The following PFKP variants were observed in gnomAD, a reference collection of about 807,000 sequenced individuals.
PFKP encodes ATP-dependent 6-phosphofructokinase, platelet type.
A neutral mutation model predicts 94.3 loss-of-function variants in PFKP; 101 were observed. The ratio of observed to expected loss-of-function variants is 1.07; its 90% confidence interval spans 0.91 to 1.26. PFKP has a LOEUF of 1.26. PFKP is among the 50% of genes most tolerant of loss of function. The pLI, the probability that PFKP is intolerant of heterozygous loss-of-function variation, is 0.00. For synonymous variants in PFKP, 573 were observed against 432.6 expected, an observed-to-expected ratio of 1.32 and a Z score of -4.03; for missense variants, 1,145 against 1,103.3, an observed-to-expected ratio of 1.04 and a Z score of -0.53.
intron 2 of PFKP, among the ~76,000 whole-genome samples, chr10:3,086,828 G>A (rs2131452767): frequency 6.6e-6 from 1 of 152,290 alleles, no homozygotes; most frequent in East Asian, 1.9e-4. Flanking sequence ...ATTGGTCACT[G>A]TGTGCTGTAG....
In PFKP at chr10:3,129,424, A is replaced by G. The variant is rs112453115; in HGVS notation, c.1684-395A>G. On this transcript the variant is annotated intron_variant, in intron 16 of 21. Transcript: ENST00000381125. ...AGCTGGCAGGGGACAGTCCCCTAAC[A>G]TCTCAGCTAACACCTAACGGTGTCT... is the stretch of plus-strand genomic sequence containing the variant. 742 of 180,930 alleles carry G rather than the reference A, an allele frequency of 4.1e-3. 7 individuals are homozygous for G. The highest frequency in any genetic ancestry group is 0.016 in the African/African-American group (698 of 42,546). The allele number at this position is 180,930 out of a possible 1,614,324, so 11.2% of individuals were successfully genotyped here. A position where few individuals can be genotyped will look rare whatever the true frequency, so the allele number is the denominator to read the frequency against.
intron 10 of PFKP, among the ~76,000 whole-genome samples, chr10:3,111,487 T>C (rs1178818783): frequency 6.6e-6 from 1 of 152,090 alleles, no homozygotes; most frequent in East Asian, 1.9e-4. Flanking sequence ...GTGGTAGGTG[T>C]CACTTGCCCT....
At chr10:3,112,798 C>T (rs1427412592) in intron 11 of PFKP, among the ~76,000 whole-genome samples, 11 of 152,220 alleles carry the variant, frequency 7.2e-5, no homozygotes. Context: ...AAATTCCTGA[C>T]CTCAAATGAT....
chr10:3,107,894 G>T (rs575766056), intron 8 of PFKP: 1 of 1,289,434 alleles, frequency 7.8e-7, no homozygotes, highest in Non-Finnish European at 1.0e-6. Flanking sequence ...TGCTGTAGAC[G>T]GGGCTGCAGG....
In PFKP at chr10:3,135,838, A is replaced by G. The variant is rs1839208463; in HGVS notation, c.2225A>G (p.Glu742Gly). 1 of 1,601,956 alleles carries G rather than the reference A, an allele frequency of 6.2e-7. No individual in the cohort carries two copies. Among genetic ancestry groups the G allele is most frequent in the Non-Finnish European group, 8.6e-7 (1 of 1,169,176 alleles). ...VAELKKQTDF[E>G]HRIPKEQWWL... is the part of the protein sequence containing the mutation. ...GAGCTGAAGAAGCAAACGGATTTTG[A>G]GTAAGTTGGCTGGGTTCCCTGAGGC... Residue 742 changes from glutamate to glycine, a missense_variant and splice_region_variant, in exon 21 of 22, where the codon GAG becomes GGG. Glu to Gly is a moderately conservative substitution (Grantham distance 98, BLOSUM62 -2). Coordinates refer to ENST00000381125, the MANE Select transcript of PFKP (RefSeq NM_002627.5).
chr10:3,101,705 C>T, intron 4 of PFKP, 151 bp downstream of exon 4: 1 of 576,088 alleles, frequency 1.7e-6, no homozygotes, highest in South Asian at 2.6e-5. Context: ...TCTCAAAAAA[C>T]AACAGCAATG....
intron 16 of PFKP, chr10:3,125,082 G>A (rs1291199355): frequency 8.0e-7 from 1 of 1,250,850 alleles, no homozygotes. Context: ...TAACCGCTTG[G>A]CCCTGCTGCT....
chr10:3,109,543 G>C, intron 10 of PFKP, 63 bp downstream of exon 10: 3 of 1,566,356 alleles, frequency 1.9e-6, no homozygotes, highest in Non-Finnish European at 2.6e-6. Context: ...CTGCTTGTCA[G>C]GCCAGCCTGG....
At position 3,091,808 on chromosome 10, in the gene PFKP, T is replaced by C. The variant is rs145428346; in HGVS notation, c.187-7467T>C. Among the ~76,000 whole-genome samples, 178 of 152,264 alleles carry C rather than the reference T, an allele frequency of 1.2e-3. 2 individuals are homozygous for C. The highest frequency in any genetic ancestry group is 4.1e-3 in the African/African-American group (169 of 41,558). On this transcript the variant is annotated intron_variant, in intron 2 of 21. Coordinates refer to ENST00000381125, the MANE Select transcript of PFKP (RefSeq NM_002627.5). ...CAAAAAAGAAAAAGAAAAAAGTCTT[T>C]TATCTTAATTTTTTGTTTGTTTTAA...
chr10:3,118,760 T>C, intron 14 of PFKP, 22 bp from the exon 15 acceptor site: 1 of 1,590,284 alleles, frequency 6.3e-7, no homozygotes, highest in South Asian at 1.1e-5. Flanking sequence ...TCTGACATCG[T>C]TCTCCACGTG....
intron 16 of PFKP, chr10:3,129,083 C>CTG (rs769904448): frequency 6.6e-6 from 1 of 152,246 alleles, no homozygotes; most frequent in Non-Finnish European, 1.5e-5. Context: ...GGGGTGGGAG[C>CTG]TGAGGCCCAG....
intron 1 of PFKP, among the ~76,000 whole-genome samples, chr10:3,077,441 T>G (rs1330256974): frequency 6.6e-6 from 1 of 151,344 alleles, no homozygotes; most frequent in African/African-American, 2.4e-5. Context: ...TTTTTTTTTG[T>G]ATTTTTAGTA....
intron 1 of PFKP, among the ~76,000 whole-genome samples, chr10:3,068,313 G>C (rs1352277253): frequency 6.6e-6 from 1 of 152,140 alleles, no homozygotes; most frequent in African/African-American, 2.4e-5. Flanking sequence ...ACGCGGCGGG[G>C]GTGCGCGGGG....
intron 13 of PFKP, among the ~76,000 whole-genome samples, chr10:3,115,858 G>C (rs1454781062): frequency 6.6e-6 from 1 of 152,198 alleles, no homozygotes; most frequent in East Asian, 1.9e-4. Flanking sequence ...CAGAGAGGTG[G>C]GGTGGAGATG....
Position 3,081,718 on chromosome 10 carries a change from A to G in PFKP, c.113-670A>G, listed in dbSNP as rs76271151. ...GTGGAGGCTAACAGACTTATGATAC[A>G]TTGTAAGCAGACTTATATGATGATA... On this transcript the variant is annotated intron_variant, in intron 1 of 21. Transcript: ENST00000381125. 3.2e-3 allele frequency among the ~76,000 whole-genome samples: 480 copies of G among 152,306 alleles called. 1 individual carries two copies. The highest frequency in any genetic ancestry group is 0.01 in the Middle Eastern group (3 of 294).
intron 4 of PFKP, among the ~76,000 whole-genome samples, chr10:3,102,250 C>CAAAAAAAAAAAAA (rs757381364): frequency 7.7e-4 from 42 of 54,766 alleles, no homozygotes; most frequent in Non-Finnish European, 1.1e-3. Flanking sequence ...GACTCTGTCT[C>CAAAAAAAAAAAAA]AAAAAAAAAA....
In PFKP at chr10:3,136,339, C is replaced by T. The variant is rs116158524; in HGVS notation, c.2226-111C>T. ...GGCTTTATCATCTAGTTGATTCAGC[C>T]GACCCTACAAACCCTGTGTTTCTGG... On this transcript the variant is annotated intron_variant, in intron 21 of 21. Transcript: ENST00000381125. The T allele has an allele frequency of 1.0e-3, 1,103 of 1,075,234 alleles. 8 individuals carry two copies. In the African/African-American group the frequency reaches 0.013, roughly 13 times the overall value. 66.6% of individuals were successfully genotyped at this position (1,075,234 alleles called of 1,614,324 possible). A position where few individuals can be genotyped will look rare whatever the true frequency, so the allele number is the denominator to read the frequency against.
chr10:3,116,849 A>G lies in PFKP; in HGVS notation c.1442+3A>G. 6.2e-7 allele frequency: 1 copy of G among 1,601,310 alleles called. No homozygotes were observed. Among genetic ancestry groups the G allele is most frequent in the Non-Finnish European group, 8.6e-7 (1 of 1,168,340 alleles). On this transcript the variant is annotated splice_donor_region_variant and intron_variant, in intron 14 of 21. Coordinates refer to ENST00000381125, the MANE Select transcript of PFKP (RefSeq NM_002627.5). ...GGCTCCATTCTTGGGACAAAACGGT[A>G]ACTTCCAAATCTCAACTCTATGACC...
At chr10:3,108,089 C>CA in intron 8 of PFKP, 1 of 1,105,012 alleles carries the variant, frequency 9.0e-7, no homozygotes. Context: ...TATAAGTGGT[C>CA]ATCCATAAAG....
Sources: allele counts gnomAD v4.1 joint callset (sites outside exome capture counted in the v4.1 genomes callset), GRCh38; gene constraint gnomAD v4.1.1; transcripts MANE v1.5; gene names NCBI Gene and HGNC (gene_info 2026-07-23, HGNC 2026-07-21).